ZFAND3: variants seen among roughly 807,000 people sequenced by gnomAD.
The protein encoded by ZFAND3 is zinc finger AN1-type containing 3, also known as AN1-type zinc finger protein 3.
A neutral mutation model predicts 29.6 loss-of-function variants in ZFAND3; 10 were observed. That is an observed-to-expected ratio of 0.34 (90% CI 0.21 to 0.57). The LOEUF (loss-of-function observed/expected upper bound fraction) is 0.57. Among genes scored for constraint, ZFAND3 ranks in the 20% least tolerant of loss-of-function variants. The pLI is 0.86. For synonymous variants in ZFAND3, 128 were observed against 112.6 expected, an observed-to-expected ratio of 1.14 and a Z score of -0.87; for missense variants, 230 against 304.5, an observed-to-expected ratio of 0.76 and a Z score of 1.82.
At chr6:37,858,454 G>A (rs116443007) in intron 1 of ZFAND3, among the ~76,000 whole-genome samples, 97 of 152,322 alleles carry the variant, frequency 6.4e-4, no homozygotes, top group African/African-American at 2.2e-3. Flanking sequence ...CATTGGAGTA[G>A]GCTGTGGAGT....
At chr6:37,990,378 A>AC (rs1404019790) in intron 2 of ZFAND3, among the ~76,000 whole-genome samples, 1 of 152,072 alleles carries the variant, frequency 6.6e-6, no homozygotes, top group Non-Finnish European at 1.5e-5. Context: ...CTTTCTTTGA[A>AC]CCCAGGGTAT....
intron 5 of ZFAND3, among the ~76,000 whole-genome samples, chr6:38,119,623 A>G (rs1382031250): frequency 6.6e-6 from 1 of 152,218 alleles, no homozygotes; most frequent in Non-Finnish European, 1.5e-5. Context: ...ATTTTCATTA[A>G]TTTCTAATGA....
At chr6:37,980,163 C>CT (rs5875605) in intron 2 of ZFAND3, among the ~76,000 whole-genome samples, 11,538 of 141,516 alleles carry the variant, frequency 0.082, 550 homozygotes, top group African/African-American at 0.14. Context: ...AGGTCACTGT[C>CT]TTTTTTTTTT....
chr6:38,145,754 C>T (rs1236027413), intron 5 of ZFAND3, among the ~76,000 whole-genome samples: 1 of 152,124 alleles, frequency 6.6e-6, no homozygotes, highest in East Asian at 1.9e-4. Flanking sequence ...GTTTATGTGG[C>T]ACATGGGTCA....
chr6:38,010,060 A>C (rs973329665), intron 2 of ZFAND3, among the ~76,000 whole-genome samples: 15 of 152,224 alleles, frequency 9.9e-5, no homozygotes, highest in African/African-American at 3.6e-4. Context: ...CTAACATTGA[A>C]TATTGACATA....
intron 2 of ZFAND3, among the ~76,000 whole-genome samples, chr6:37,966,450 A>G (rs1023882565): frequency 6.6e-6 from 1 of 152,176 alleles, no homozygotes; most frequent in African/African-American, 2.4e-5. Flanking sequence ...GATCCTCATT[A>G]TTCACTGAGC....
chr6:38,070,657 C>T (rs886822935), intron 3 of ZFAND3, among the ~76,000 whole-genome samples: 4 of 151,964 alleles, frequency 2.6e-5, no homozygotes, highest in African/African-American at 9.7e-5. Context: ...TTGTACGTGG[C>T]TAATGGTGCA....
At chr6:37,920,509 T>C (rs1388793775) in intron 1 of ZFAND3, among the ~76,000 whole-genome samples, 3 of 152,204 alleles carry the variant, frequency 2.0e-5, no homozygotes, top group Non-Finnish European at 4.4e-5. Flanking sequence ...CTATAACTTT[T>C]AGTGCAAGTA....
At chr6:38,140,652 G>C (rs779748523) in intron 5 of ZFAND3, among the ~76,000 whole-genome samples, 28 of 152,284 alleles carry the variant, frequency 1.8e-4, no homozygotes, top group South Asian at 1.2e-3. Flanking sequence ...ACCATGCCCA[G>C]CTGTTCATGG....
chr6:38,144,206 TATATAATATATAATATATATATA>T (rs1766041979), intron 5 of ZFAND3, among the ~76,000 whole-genome samples: 2 of 44,274 alleles, frequency 4.5e-5, no homozygotes, highest in African/African-American at 2.6e-4. Flanking sequence ...TATATATATA[TATATAATATATAATATATATATA>T]TATTTTTTTT....
chr6:38,144,202 TATATATATAATATATAATATATA>T (rs1562015947), intron 5 of ZFAND3, among the ~76,000 whole-genome samples: 14 of 41,188 alleles, frequency 3.4e-4, no homozygotes, highest in African/African-American at 1.9e-3. Context: ...TATATATATA[TATATATATAATATATAATATATA>T]TATATATTTT....
intron 1 of ZFAND3, among the ~76,000 whole-genome samples, chr6:37,921,189 A>G (rs1192254174): frequency 1.3e-5 from 2 of 152,052 alleles, no homozygotes; most frequent in African/African-American, 4.8e-5. Flanking sequence ...ACTAATTTTT[A>G]CAGATTGTGT....
intron 4 of ZFAND3, among the ~76,000 whole-genome samples, chr6:38,085,331 G>GAGA (rs1286887312): frequency 6.6e-6 from 1 of 152,162 alleles, no homozygotes. Flanking sequence ...GACCTTAAGT[G>GAGA]AGATCTTACC....
chr6:38,033,733 T>A (rs971975219), intron 2 of ZFAND3, among the ~76,000 whole-genome samples: 1 of 152,212 alleles, frequency 6.6e-6, no homozygotes, highest in Non-Finnish European at 1.5e-5. Context: ...CCTTCTATCT[T>A]TTGTTTTACT....
chr6:37,985,994 A>G (rs1052984833), intron 2 of ZFAND3, among the ~76,000 whole-genome samples: 2 of 152,248 alleles, frequency 1.3e-5, no homozygotes, highest in African/African-American at 4.8e-5. Context: ...CAAGACTGAA[A>G]CAGATAACCA....
chr6:38,045,634 A>G (rs1468416507), intron 2 of ZFAND3, among the ~76,000 whole-genome samples: 2 of 152,198 alleles, frequency 1.3e-5, no homozygotes, highest in Non-Finnish European at 2.9e-5. Context: ...ATGTTTATGA[A>G]ATCTCCCACA....
At chr6:38,117,497 A>G (rs1486205828) in intron 5 of ZFAND3, among the ~76,000 whole-genome samples, 1 of 152,190 alleles carries the variant, frequency 6.6e-6, no homozygotes, top group Non-Finnish European at 1.5e-5. Context: ...ATCATGACAC[A>G]TAGGAACGAA....
intron 2 of ZFAND3, among the ~76,000 whole-genome samples, chr6:38,032,112 C>T (rs1242509670): frequency 6.6e-6 from 1 of 151,932 alleles, no homozygotes; most frequent in Non-Finnish European, 1.5e-5. Flanking sequence ...GAATTACAAG[C>T]GTGAGCCACC....
chr6:38,035,251 A>T (rs945807733), intron 2 of ZFAND3, among the ~76,000 whole-genome samples: 1 of 152,172 alleles, frequency 6.6e-6, no homozygotes, highest in Non-Finnish European at 1.5e-5. Context: ...CACATGTGAC[A>T]TCCCGAATCT....
Sources: gnomAD v4.1 joint callset for allele counts (sites outside exome capture counted in the v4.1 genomes callset) on GRCh38, gnomAD v4.1.1 for gene constraint, MANE v1.5 for transcripts, NCBI Gene and HGNC (gene_info 2026-07-23, HGNC 2026-07-21) for gene names.